Variants in NPAS3 observed in about 807,000 individuals in gnomAD.
The protein encoded by NPAS3 is neuronal PAS domain-containing protein 3.
A neutral mutation model predicts 73.1 loss-of-function variants in NPAS3; 14 were observed. That is an observed-to-expected ratio of 0.19 (90% confidence interval 0.13 to 0.30). The LOEUF is 0.30. NPAS3 is among the 10% of genes least tolerant of loss of function. The pLI, the probability that NPAS3 is intolerant of heterozygous loss-of-function variation, is 1.00. For missense variants in NPAS3, 1,096 were observed against 1,250.0 expected, an observed-to-expected ratio of 0.88 and a Z score of 1.86; for synonymous variants, 620 against 541.5, an observed-to-expected ratio of 1.14 and a Z score of -2.01.
intron 3 of NPAS3, among the ~76,000 whole-genome samples, chr14:33,360,973 C>G: frequency 6.6e-6 from 1 of 152,120 alleles, no homozygotes; most frequent in East Asian, 1.9e-4. Flanking sequence ...AACCCACTGC[C>G]TTAAGGGTTT....
At chr14:33,121,686 C>T (rs1054169474) in intron 2 of NPAS3, among the ~76,000 whole-genome samples, 17 of 152,164 alleles carry the variant, frequency 1.1e-4, no homozygotes, top group African/African-American at 4.1e-4. Context: ...CTGAGAGAAT[C>T]ATGTCAGATA....
intron 3 of NPAS3, among the ~76,000 whole-genome samples, chr14:33,240,550 T>C (rs2048181296): frequency 6.6e-6 from 1 of 150,410 alleles, no homozygotes; most frequent in Non-Finnish European, 1.5e-5. Flanking sequence ...CTGTAACATA[T>C]ATTATTTTGT....
At chr14:33,282,496 C>A (rs1166376269) in intron 3 of NPAS3, among the ~76,000 whole-genome samples, 1 of 152,132 alleles carries the variant, frequency 6.6e-6, no homozygotes, top group African/African-American at 2.4e-5. Context: ...CTGGGAGAAT[C>A]CTGGGTGAGA....
At chr14:33,276,760 T>G (rs547649494) in intron 3 of NPAS3, among the ~76,000 whole-genome samples, 2 of 152,228 alleles carry the variant, frequency 1.3e-5, no homozygotes, top group South Asian at 4.1e-4. Flanking sequence ...AAATAGAAAT[T>G]ATGATTATTT....
chr14:32,980,107 C>A (rs1369559447), intron 1 of NPAS3, among the ~76,000 whole-genome samples: 1 of 152,190 alleles, frequency 6.6e-6, no homozygotes, highest in Non-Finnish European at 1.5e-5. Context: ...CTAACTAGTA[C>A]ATTTCCTCTT....
At chr14:33,763,371 T>C (rs1398695201) in intron 7 of NPAS3, among the ~76,000 whole-genome samples, 2 of 152,168 alleles carry the variant, frequency 1.3e-5, no homozygotes, top group African/African-American at 4.8e-5. Flanking sequence ...TGGAAGAAAA[T>C]GTCCTGTGCT....
At chr14:33,560,071 C>A in intron 4 of NPAS3, 50 bp from the exon 5 acceptor site, 1 of 733,000 alleles carries the variant, frequency 1.4e-6, no homozygotes, top group Non-Finnish European at 2.3e-6. Flanking sequence ...ATTAAATCTG[C>A]ATCCTTTGTA....
intron 1 of NPAS3, among the ~76,000 whole-genome samples, chr14:33,003,156 C>G (rs1441712437): frequency 1.3e-5 from 2 of 151,430 alleles, no homozygotes; most frequent in East Asian, 3.9e-4. Flanking sequence ...TTTTTAATCC[C>G]TTTCACCCTT....
At chr14:33,667,179 C>G (rs2140299304) in intron 5 of NPAS3, among the ~76,000 whole-genome samples, 1 of 141,994 alleles carries the variant, frequency 7.0e-6, no homozygotes, top group South Asian at 2.4e-4. Context: ...GTAATGTATA[C>G]TTATAGCATA....
At chr14:33,366,467 G>A (rs2045850220) in intron 3 of NPAS3, among the ~76,000 whole-genome samples, 1 of 152,162 alleles carries the variant, frequency 6.6e-6, no homozygotes, top group Non-Finnish European at 1.5e-5. Flanking sequence ...GTGCCTGGAA[G>A]AGGACCGACT....
intron 4 of NPAS3, among the ~76,000 whole-genome samples, chr14:33,392,102 C>T (rs2047033236): frequency 6.6e-6 from 1 of 152,102 alleles, no homozygotes; most frequent in Non-Finnish European, 1.5e-5. Flanking sequence ...GTTAGTTTGA[C>T]TAATAAAACA....
At chr14:33,262,548 T>C (rs1424547844) in intron 3 of NPAS3, among the ~76,000 whole-genome samples, 1 of 152,204 alleles carries the variant, frequency 6.6e-6, no homozygotes, top group Non-Finnish European at 1.5e-5. Context: ...ACCTTGGATA[T>C]ATTTAATAAT....
In NPAS3 at chr14:33,287,187, T is replaced by C. The variant is rs562497078; in HGVS notation, c.385+71761T>C. 3.2e-4 allele frequency among the ~76,000 whole-genome samples: 49 copies of C among 152,334 alleles called. 2 individuals are homozygous for C. Among genetic ancestry groups the C allele is most frequent in the African/African-American group, 1.2e-3 (48 of 41,578 alleles). On this transcript the variant is annotated intron_variant, in intron 3 of 11. Transcript: ENST00000356141. ...GTGGTTTTGGAATAACCATATCTCT[T>C]GGAAATGCTGTGAAGCTTTCTTCTT...
chr14:33,671,099 T>C (rs563613914), intron 5 of NPAS3, among the ~76,000 whole-genome samples: 2 of 152,200 alleles, frequency 1.3e-5, no homozygotes, highest in East Asian at 1.9e-4. Flanking sequence ...CTAAGCATTC[T>C]CTTAAGTTGT....
chr14:33,391,783 C>T (rs1197604826), intron 4 of NPAS3, among the ~76,000 whole-genome samples: 2 of 152,028 alleles, frequency 1.3e-5, no homozygotes, highest in East Asian at 1.9e-4. Flanking sequence ...TTCTTCTTGG[C>T]GTTTCCAGAA....
intron 2 of NPAS3, among the ~76,000 whole-genome samples, chr14:33,145,027 G>A (rs1437154133): frequency 1.3e-5 from 2 of 152,152 alleles, no homozygotes. Context: ...TTTCCTCTTA[G>A]TTAAATCATT....
At chr14:33,320,740 G>A (rs1332554225) in intron 3 of NPAS3, among the ~76,000 whole-genome samples, 1 of 152,118 alleles carries the variant, frequency 6.6e-6, no homozygotes. Context: ...GATGTCATTT[G>A]GTAAGACTAA....
intron 5 of NPAS3, among the ~76,000 whole-genome samples, chr14:33,597,910 C>G (rs2057293014): frequency 6.6e-6 from 1 of 152,176 alleles, no homozygotes; most frequent in South Asian, 2.1e-4. Context: ...AAAAGCCTAT[C>G]TGAAAATTCA....
chr14:33,387,117 G>A (rs912869375), intron 4 of NPAS3, among the ~76,000 whole-genome samples: 19 of 152,074 alleles, frequency 1.2e-4, no homozygotes, highest in African/African-American at 4.6e-4. Context: ...TTAGGACAGG[G>A]GCCTTCATAA....
Sources: gnomAD v4.1 joint callset for allele counts (sites outside exome capture counted in the v4.1 genomes callset) on GRCh38, gnomAD v4.1.1 for gene constraint, MANE v1.5 for transcripts, NCBI Gene and HGNC (gene_info 2026-07-23, HGNC 2026-07-21) for gene names.